SYN3: variants seen among roughly 807,000 people sequenced by gnomAD.
SYN3 encodes the protein synapsin III.
A neutral mutation model predicts 65.8 loss-of-function variants in SYN3; 35 were observed. The ratio of observed to expected loss-of-function variants is 0.53; its 90% CI spans 0.41 to 0.70. The LOEUF (loss-of-function observed/expected upper bound fraction) is 0.70. Ranked by LOEUF, SYN3 falls within the 30% of genes least tolerant of loss-of-function variation. The pLI is 0.00. For synonymous variants in SYN3, 270 were observed against 292.9 expected (o/e 0.92, Z 0.80); for missense variants, 680 against 749.0 (o/e 0.91, Z 1.08).
intron 6 of SYN3, among the ~76,000 whole-genome samples, chr22:32,648,433 T>C: frequency 6.6e-6 from 1 of 152,352 alleles, no homozygotes; most frequent in South Asian, 2.1e-4. Context: ...TCAATAATTA[T>C]ATGAATTACA....
chr22:32,654,510 G>A (rs1210706712), intron 6 of SYN3, among the ~76,000 whole-genome samples: 3 of 152,052 alleles, frequency 2.0e-5, no homozygotes, highest in East Asian at 1.9e-4. Context: ...CCACCCAGAC[G>A]GGACAGCTTG....
rs139380502 is a variant in SYN3 at position 32,728,918 on chromosome 22, G to A, written c.712-132182C>T. Reference sequence around the variant, plus strand: ...GTGGCACCAGAGAAAGTCTTCAGAAGGAGAAGAGGAGATGCAGGAAAGCAA... The same window carrying A: ...GTGGCACCAGAGAAAGTCTTCAGAAAGAGAAGAGGAGATGCAGGAAAGCAA... On this transcript the variant is annotated intron_variant, in intron 6 of 13. Coordinates refer to ENST00000358763, the MANE Select transcript of SYN3 (RefSeq NM_003490.4). 7.7e-3 allele frequency among the ~76,000 whole-genome samples: 1,176 copies of A among 152,302 alleles called. 19 individuals are homozygous for A. Among genetic ancestry groups the A allele is most frequent in the African/African-American group, 0.027 (1,124 of 41,564 alleles).
intron 6 of SYN3, among the ~76,000 whole-genome samples, chr22:32,642,862 C>T (rs2059923035): frequency 6.6e-6 from 1 of 151,902 alleles, no homozygotes; most frequent in South Asian, 2.1e-4. Flanking sequence ...TGGCCCTATC[C>T]CAAACTTTTT....
chr22:33,039,444 T>G (rs183820366), intron 1 of SYN3, among the ~76,000 whole-genome samples: 1 of 151,432 alleles, frequency 6.6e-6, no homozygotes, highest in East Asian at 1.9e-4. Flanking sequence ...GGCATGATCT[T>G]GGCTCACTGC....
chr22:32,776,034 G>C (rs2413153), intron 6 of SYN3, among the ~76,000 whole-genome samples: 1 of 152,026 alleles, frequency 6.6e-6, no homozygotes, highest in South Asian at 2.1e-4. Context: ...ATCCTTATAC[G>C]AGGCAGGCAG....
At chr22:32,992,898 G>C (rs887125905) in intron 2 of SYN3, among the ~76,000 whole-genome samples, 1 of 152,126 alleles carries the variant, frequency 6.6e-6, no homozygotes, top group South Asian at 2.1e-4. Flanking sequence ...GAACATCTCC[G>C]TGTGGCCTGT....
intron 1 of SYN3, among the ~76,000 whole-genome samples, chr22:33,008,985 G>T (rs377160418): frequency 2.6e-5 from 2 of 75,708 alleles, no homozygotes; most frequent in African/African-American, 4.3e-5. Context: ...AAAAGAAAAA[G>T]AAAAAAGAAA....
rs535652199 is a variant in SYN3, at chr22:32,955,766, T to G, written c.370-24285A>C. ...CAAAGGAGATTAACATTTGAGTCAC[T>G]GGGCTGGGGAAGGCAGACTCACCCT... On this transcript the variant is annotated intron_variant, in intron 3 of 13. Coordinates refer to ENST00000358763, the MANE Select transcript of SYN3 (RefSeq NM_003490.4). 2.6e-5 allele frequency among the ~76,000 whole-genome samples: 4 copies of G among 152,100 alleles called. No individual in the cohort carries two copies. In the East Asian group the frequency reaches 7.8e-4, roughly 30 times the overall value.
At chr22:32,611,431 T>G (rs1267762016) in intron 6 of SYN3, among the ~76,000 whole-genome samples, 5 of 151,870 alleles carry the variant, frequency 3.3e-5, no homozygotes, top group African/African-American at 1.2e-4. Context: ...GTAGCTGGGA[T>G]TACAGTCACG....
intron 6 of SYN3, among the ~76,000 whole-genome samples, chr22:32,603,926 A>T (rs2059325171): frequency 6.6e-6 from 1 of 152,218 alleles, no homozygotes; most frequent in South Asian, 2.1e-4. Flanking sequence ...TTTGGAAAAC[A>T]GAGATCCCCA....
intron 5 of SYN3, among the ~76,000 whole-genome samples, chr22:32,865,588 T>C (rs2048667824): frequency 6.6e-6 from 1 of 152,218 alleles, no homozygotes; most frequent in Non-Finnish European, 1.5e-5. Flanking sequence ...TGCTAGGTGT[T>C]ATATTAATAA....
chr22:32,828,123 C>T (rs1168014175), intron 6 of SYN3, among the ~76,000 whole-genome samples: 1 of 152,226 alleles, frequency 6.6e-6, no homozygotes, highest in South Asian at 2.1e-4. Flanking sequence ...ATACTTGAAA[C>T]TCTAACATTT....
chr22:33,013,005 A>G (rs528137930), intron 1 of SYN3, among the ~76,000 whole-genome samples: 4 of 152,328 alleles, frequency 2.6e-5, no homozygotes, highest in Non-Finnish European at 2.9e-5. Flanking sequence ...GTTTAGTTCA[A>G]CTTAGGCTAT....
chr22:32,808,787 C>T (rs943053674), intron 6 of SYN3, among the ~76,000 whole-genome samples: 4 of 152,170 alleles, frequency 2.6e-5, no homozygotes, highest in Non-Finnish European at 2.9e-5. Context: ...TTTAAGCATG[C>T]TGAAAAACAC....
At chr22:32,565,231 C>T (rs868128241) in intron 7 of SYN3, among the ~76,000 whole-genome samples, 2 of 152,170 alleles carry the variant, frequency 1.3e-5, no homozygotes, top group African/African-American at 4.8e-5. Context: ...ACCACAACTG[C>T]TTATCACTAT....
At chr22:33,033,098 G>A (rs11912381) in intron 1 of SYN3, among the ~76,000 whole-genome samples, 2,915 of 146,962 alleles carry the variant, frequency 0.02, 91 homozygotes, top group African/African-American at 0.065. Context: ...CTGCAACCTC[G>A]GCCTCCCAAG....
intron 3 of SYN3, among the ~76,000 whole-genome samples, chr22:32,975,246 G>A (rs1375288654): frequency 6.6e-6 from 1 of 151,936 alleles, no homozygotes; most frequent in African/African-American, 2.4e-5. Context: ...CTGGTGGCAG[G>A]TGCCTGTAAT....
intron 2 of SYN3, among the ~76,000 whole-genome samples, chr22:32,992,749 G>A (rs868329839): frequency 3.9e-5 from 6 of 152,142 alleles, no homozygotes; most frequent in African/African-American, 1.4e-4. Flanking sequence ...GGAGGCGGAC[G>A]TTGCAGTGAG....
intron 6 of SYN3, among the ~76,000 whole-genome samples, chr22:32,724,069 C>T (rs1299012319): frequency 1.3e-5 from 2 of 152,014 alleles, no homozygotes; most frequent in East Asian, 3.9e-4. Context: ...CATGTTGTAT[C>T]TGTTAAAACT....
Sources: allele counts gnomAD v4.1 joint callset (sites outside exome capture counted in the v4.1 genomes callset), GRCh38; gene constraint gnomAD v4.1.1; transcripts MANE v1.5; gene names NCBI Gene and HGNC (gene_info 2026-07-23, HGNC 2026-07-21).